Variants in IQGAP2 observed in about 807,000 individuals in gnomAD.
The protein encoded by IQGAP2 is IQ motif containing GTPase activating protein 2.
Under a neutral mutation model 201.3 loss-of-function variants are expected in IQGAP2, and 173 were observed. The ratio of observed to expected loss-of-function variants is 0.86; its 90% CI spans 0.76 to 0.98. The LOEUF is 0.98. Among genes scored for constraint, IQGAP2 ranks in the 50% least tolerant of loss-of-function variants. The pLI is 0.00. For missense variants in IQGAP2, 1,687 were observed against 1,864.8 expected (o/e 0.90, Z 1.76); for synonymous variants, 675 against 673.9 (o/e 1.00, Z -0.03).
chr5:76,467,739 G>A (rs1754860053), intron 2 of IQGAP2, among the ~76,000 whole-genome samples: 1 of 152,116 alleles, frequency 6.6e-6, no homozygotes, highest in Admixed American at 6.5e-5. Context: ...CAATCCAAAT[G>A]TCTACCCACT....
intron 2 of IQGAP2, among the ~76,000 whole-genome samples, chr5:76,497,390 T>G (rs569406688): frequency 6.6e-6 from 1 of 152,342 alleles, no homozygotes; most frequent in South Asian, 2.1e-4. Flanking sequence ...GAAATATCCC[T>G]GCAAAGGTGA....
intron 13 of IQGAP2, among the ~76,000 whole-genome samples, chr5:76,621,232 C>T (rs1402162813): frequency 3.3e-5 from 5 of 152,118 alleles, no homozygotes; most frequent in East Asian, 1.9e-4. Context: ...AAACCCTCCA[C>T]GTAAACCTGA....
At chr5:76,433,170 C>T (rs765918994) in intron 1 of IQGAP2, among the ~76,000 whole-genome samples, 3 of 152,164 alleles carry the variant, frequency 2.0e-5, no homozygotes, top group Non-Finnish European at 4.4e-5. Context: ...ATTTCTTTTG[C>T]TGTGCAGATG....
At chr5:76,606,040 A>G (rs1747780731) in intron 11 of IQGAP2, 139 bp from the exon 12 acceptor site, 1 of 628,124 alleles carries the variant, frequency 1.6e-6, no homozygotes, top group Non-Finnish European at 2.6e-6. Flanking sequence ...ACAGAGCTAC[A>G]CAAGACAATT....
intron 2 of IQGAP2, among the ~76,000 whole-genome samples, chr5:76,471,680 G>C (rs946216176): frequency 6.7e-6 from 1 of 149,854 alleles, no homozygotes; most frequent in Non-Finnish European, 1.5e-5. Context: ...GCCATGAGTT[G>C]CTTAACAGTC....
At chr5:76,651,734 GT>G (rs535638195) in intron 17 of IQGAP2, among the ~76,000 whole-genome samples, 18 of 147,672 alleles carry the variant, frequency 1.2e-4, no homozygotes, top group South Asian at 2.2e-4. Context: ...AAATTAAAAG[GT>G]TTTTTTTTTT....
chr5:76,460,498 A>G (rs1238645293), intron 1 of IQGAP2, among the ~76,000 whole-genome samples: 1 of 152,080 alleles, frequency 6.6e-6, no homozygotes, highest in African/African-American at 2.4e-5. Context: ...TCTGTTGGCC[A>G]TGGGGAGAAT....
At chr5:76,553,169 T>C (rs1743682225) in intron 2 of IQGAP2, among the ~76,000 whole-genome samples, 2 of 152,216 alleles carry the variant, frequency 1.3e-5, no homozygotes, top group South Asian at 4.1e-4. Flanking sequence ...AGTTTTGCCA[T>C]GAGAACTTAA....
chr5:76,653,035 A>C (rs1752644125), intron 18 of IQGAP2, among the ~76,000 whole-genome samples: 1 of 152,178 alleles, frequency 6.6e-6, no homozygotes, highest in Non-Finnish European at 1.5e-5. Flanking sequence ...ATAAAACCTC[A>C]AGTCCTTTAT....
chr5:76,478,127 TG>T (rs1425136255), intron 2 of IQGAP2, among the ~76,000 whole-genome samples: 1 of 152,162 alleles, frequency 6.6e-6, no homozygotes, highest in Non-Finnish European at 1.5e-5. Context: ...TGCAATGGTG[TG>T]GTGGCTCACG....
chr5:76,497,380 G>C (rs1369219459), intron 2 of IQGAP2, among the ~76,000 whole-genome samples: 2 of 152,052 alleles, frequency 1.3e-5, no homozygotes, highest in Non-Finnish European at 2.9e-5. Flanking sequence ...AGGAATAATT[G>C]AAATATCCCT....
At chr5:76,652,908 A>G (rs1333749896) in intron 18 of IQGAP2, 75 bp downstream of exon 18, 1 of 958,926 alleles carries the variant, frequency 1.0e-6, no homozygotes, top group Non-Finnish European at 1.7e-6. Context: ...TCTGAAAGAC[A>G]GCTATAGAAA....
chr5:76,642,746 A>C (rs1404699123), intron 17 of IQGAP2, among the ~76,000 whole-genome samples: 1 of 152,216 alleles, frequency 6.6e-6, no homozygotes, highest in Admixed American at 6.5e-5. Flanking sequence ...AGTAGTCTTA[A>C]CACATTTGGA....
chr5:76,707,832 T>C lies in IQGAP2; in HGVS notation c.*519T>C, dbSNP rs1748040783. On this transcript the variant is annotated 3_prime_UTR_variant, in exon 36 of 36. Coordinates refer to ENST00000274364, the MANE Select transcript of IQGAP2 (RefSeq NM_006633.5). ...TTCAAATGAAGTTTTTATAAGTAATTGAAAATGACAACACAATAACACTTT... is the reference window on the plus strand; with the variant it reads ...TTCAAATGAAGTTTTTATAAGTAATCGAAAATGACAACACAATAACACTTT... 1.3e-5 allele frequency: 2 copies of C among 152,790 alleles called. No homozygotes were observed. The highest frequency in any genetic ancestry group is 4.8e-5 in the African/African-American group (2 of 41,448). The allele number at this position is 152,790 out of a possible 1,614,324, so 9.5% of individuals were successfully genotyped here. A position where few individuals can be genotyped will look rare whatever the true frequency, so the allele number is the denominator to read the frequency against.
intron 8 of IQGAP2, among the ~76,000 whole-genome samples, chr5:76,591,077 A>G (rs1580537507): frequency 6.6e-6 from 1 of 152,326 alleles, no homozygotes; most frequent in Admixed American, 6.5e-5. Flanking sequence ...AGCCTGGGCA[A>G]CAGACTGAGA....
intron 23 of IQGAP2, among the ~76,000 whole-genome samples, chr5:76,670,188 C>T (rs138653858): frequency 2.2e-3 from 334 of 152,158 alleles, no homozygotes; most frequent in African/African-American, 7.3e-3. Flanking sequence ...CACCCTCATT[C>T]GCCTTACAAG....
At chr5:76,626,153 A>G (rs1427235756) in intron 13 of IQGAP2, among the ~76,000 whole-genome samples, 1 of 150,788 alleles carries the variant, frequency 6.6e-6, no homozygotes, top group Non-Finnish European at 1.5e-5. Flanking sequence ...TCCCCCTGCA[A>G]CTTGACACCT....
chr5:76,567,348 T>C (rs956868997), intron 3 of IQGAP2, among the ~76,000 whole-genome samples: 1 of 152,238 alleles, frequency 6.6e-6, no homozygotes, highest in Admixed American at 6.5e-5. Context: ...TTAGGGATGC[T>C]TAGTCAGTAT....
chr5:76,406,562 C>G (rs1750806183), intron 1 of IQGAP2, among the ~76,000 whole-genome samples: 2 of 152,226 alleles, frequency 1.3e-5, no homozygotes, highest in South Asian at 4.1e-4. Context: ...TAAGATGACA[C>G]TTACGCTTAG....
Sources: gnomAD v4.1 joint callset for allele counts (sites outside exome capture counted in the v4.1 genomes callset) on GRCh38, gnomAD v4.1.1 for gene constraint, MANE v1.5 for transcripts, NCBI Gene and HGNC (gene_info 2026-07-23, HGNC 2026-07-21) for gene names.